TRPM6: variants seen among roughly 807,000 people sequenced by gnomAD.
TRPM6 encodes channel kinase 2.
Under a neutral mutation model 247.6 loss-of-function variants are expected in TRPM6, and 111 were observed. That is an observed-to-expected ratio of 0.45 (90% confidence interval 0.38 to 0.52). TRPM6 has a LOEUF of 0.52. Among genes scored for constraint, TRPM6 ranks in the 20% least tolerant of loss-of-function variants. The pLI, the probability that TRPM6 is intolerant of heterozygous loss-of-function variation, is 0.00. For missense variants in TRPM6, 2,126 were observed against 2,421.5 expected, an observed-to-expected ratio of 0.88 and a Z score of 2.56; for synonymous variants, 892 against 853.8, an observed-to-expected ratio of 1.04 and a Z score of -0.78.
intron 13 of TRPM6, among the ~76,000 whole-genome samples, chr9:74,808,871 T>A (rs1227472481): frequency 6.6e-6 from 1 of 152,228 alleles, no homozygotes; most frequent in Admixed American, 6.5e-5. Flanking sequence ...CTTAATCCAG[T>A]ATAGACAGTA....
chr9:74,844,772 T>C (rs1830055363), intron 3 of TRPM6, among the ~76,000 whole-genome samples: 1 of 152,216 alleles, frequency 6.6e-6, no homozygotes, highest in Non-Finnish European at 1.5e-5. Context: ...CTTGGCTAAC[T>C]GTTTGGCACA....
chr9:74,837,872 C>T (rs1031887390), intron 5 of TRPM6, among the ~76,000 whole-genome samples: 27 of 152,088 alleles, frequency 1.8e-4, no homozygotes, highest in Middle Eastern at 3.4e-3. Flanking sequence ...ACCTCAGCCT[C>T]CCCAGTAGCT....
chr9:74,804,493 T>C, intron 14 of TRPM6: 1 of 689,070 alleles, frequency 1.5e-6, no homozygotes, highest in South Asian at 1.5e-5. Context: ...GATCTCTATT[T>C]CTACAGAGAT....
At chr9:74,758,268 A>G (rs1826502640) in intron 27 of TRPM6, among the ~76,000 whole-genome samples, 1 of 152,154 alleles carries the variant, frequency 6.6e-6, no homozygotes. Context: ...ATACTTCCCA[A>G]CTCACTAAAT....
chr9:74,746,572 A>C (rs1330627101), intron 31 of TRPM6, among the ~76,000 whole-genome samples: 2 of 152,242 alleles, frequency 1.3e-5, no homozygotes. Context: ...TTTCAAGAGC[A>C]TTGAGGAAAA....
At chr9:74,825,903 C>T (rs143730892) in intron 7 of TRPM6, among the ~76,000 whole-genome samples, 299 of 152,248 alleles carry the variant, frequency 2.0e-3, no homozygotes, top group African/African-American at 6.4e-3. Flanking sequence ...TCCCTCTGCT[C>T]TGCTGGTCTC....
At chr9:74,834,705 G>A (rs1040318306) in intron 5 of TRPM6, among the ~76,000 whole-genome samples, 2 of 150,396 alleles carry the variant, frequency 1.3e-5, no homozygotes, top group African/African-American at 2.5e-5. Flanking sequence ...GAGAACATGC[G>A]GTGTCTGGTT....
chr9:74,887,819 C>G lies in TRPM6; in HGVS notation c.33+5G>C. Reference sequence around the variant, plus strand: ...TTCCCCGCCAGTCGAGCAGCCTGAGCTTACCTGCAAGCGCTCCAAGACAGG... The same window carrying G: ...TTCCCCGCCAGTCGAGCAGCCTGAGGTTACCTGCAAGCGCTCCAAGACAGG... On this transcript the variant is annotated splice_donor_5th_base_variant and intron_variant, in intron 1 of 38. Coordinates refer to ENST00000360774, the MANE Select transcript of TRPM6 (RefSeq NM_017662.5). 6.2e-7 allele frequency: 1 copy of G among 1,614,172 alleles called. No individual in the cohort carries two copies. Among genetic ancestry groups the G allele is most frequent in the Non-Finnish European group, 8.5e-7 (1 of 1,180,038 alleles).
Position 74,723,477 on chromosome 9 carries a change from C to A in TRPM6, c.*1136G>T. The A allele has an allele frequency of 6.7e-6, 1 of 149,754 alleles. No individual in the cohort carries two copies. 9.3% of individuals were successfully genotyped at this position (149,754 alleles called of 1,614,324 possible). Reference sequence around the variant, plus strand: ...AGGGAAACCCTTTCTTAATGATTTCCAGTTCTTCATATTCTTGTTCTCGTT... The same window carrying A: ...AGGGAAACCCTTTCTTAATGATTTCAAGTTCTTCATATTCTTGTTCTCGTT... On this transcript the variant is annotated 3_prime_UTR_variant, in exon 39 of 39. Coordinates refer to ENST00000360774, the MANE Select transcript of TRPM6 (RefSeq NM_017662.5).
rs947003221 is a variant in TRPM6, at chr9:74,838,708, G to A, written c.544+1316C>T. ...TGAGATATTCAAGAAGCTGTTTGACGAGTGCGTTGGCATCTCGTGTAGATC... is the reference window on the plus strand; with the variant it reads ...TGAGATATTCAAGAAGCTGTTTGACAAGTGCGTTGGCATCTCGTGTAGATC... On this transcript the variant is annotated intron_variant, in intron 5 of 38. Coordinates refer to ENST00000360774, the MANE Select transcript of TRPM6 (RefSeq NM_017662.5). Among the ~76,000 whole-genome samples, 8 of 152,168 alleles carry A rather than the reference G, an allele frequency of 5.3e-5. No individual in the cohort carries two copies. In the South Asian group the frequency reaches 6.2e-4, roughly 12 times the overall value.
At chr9:74,828,059 AAGTACT>A (rs1587550684) in intron 6 of TRPM6, 110 bp from the exon 7 acceptor site, 1 of 1,213,608 alleles carries the variant, frequency 8.2e-7, no homozygotes, top group Non-Finnish European at 1.2e-6. Context: ...CTAGTTTAAA[AAGTACT>A]ACTTGCGGCC....
At position 74,795,568 on chromosome 9, in the gene TRPM6, T is replaced by G. The variant is rs574457649; in HGVS notation, c.2391+1173A>C. Among the ~76,000 whole-genome samples, 12 of 152,302 alleles carry G rather than the reference T, an allele frequency of 7.9e-5. No individual in the cohort carries two copies. The South Asian group carries it at 2.3e-3, about 29-fold the overall frequency. On this transcript the variant is annotated intron_variant, in intron 18 of 38. Coordinates refer to ENST00000360774, the MANE Select transcript of TRPM6 (RefSeq NM_017662.5). ...GTCTCCTTCTCACTGATATGCTCTT[T>G]TCCCTCACCACATCGTCAAGTCAGG...
At chr9:74,739,552 A>T (rs1192676218) in intron 34 of TRPM6, 103 bp from the exon 35 acceptor site, 13 of 1,485,008 alleles carry the variant, frequency 8.8e-6, no homozygotes, top group Non-Finnish European at 1.2e-5. Flanking sequence ...GCCTTATTCA[A>T]CTCCCACCAC....
At position 74,755,440 on chromosome 9, in the gene TRPM6, G is replaced by A. The variant is rs1415362860; in HGVS notation, c.4819C>T (p.Gln1607Ter). 1 of 1,614,056 alleles carries A rather than the reference G, an allele frequency of 6.2e-7. No homozygotes were observed. The highest frequency in any genetic ancestry group is 2.2e-5 in the East Asian group (1 of 44,874). Residue 1607 changes from glutamine to a stop codon, truncating the protein, a stop_gained, in exon 28 of 39, where the codon CAG becomes TAG. Transcript: ENST00000360774. LOFTEE classifies it high-confidence loss of function. The stretch of plus-strand genomic sequence containing the variant: ...TTTTCTCCTGGCTCTGGATTCAACT[G>A]GTCACTCTGAGAGCAGGCATTGACT... ...ITVNACSQSD[Q>*]LNPEPGENSI... is the part of the protein sequence containing the mutation.
chr9:74,784,706 T>C (rs1435209352), intron 21 of TRPM6, among the ~76,000 whole-genome samples: 1 of 152,202 alleles, frequency 6.6e-6, no homozygotes, highest in East Asian at 1.9e-4. Context: ...GTAAGCTGAG[T>C]GTCCCAACAA....
At chr9:74,741,489 A>G (rs574007625) in intron 33 of TRPM6, among the ~76,000 whole-genome samples, 26 of 152,226 alleles carry the variant, frequency 1.7e-4, no homozygotes, top group African/African-American at 6.0e-4. Flanking sequence ...GCCCAGATAA[A>G]TGCCACTGAA....
chr9:74,820,215 T>G, intron 9 of TRPM6, 89 bp downstream of exon 9: 2 of 1,427,166 alleles, frequency 1.4e-6, no homozygotes, highest in Non-Finnish European at 2.0e-6. Context: ...GTGTCCACCA[T>G]GTTTTTTTTT....
intron 36 of TRPM6, among the ~76,000 whole-genome samples, chr9:74,733,949 G>T (rs1296354784): frequency 6.6e-6 from 1 of 152,144 alleles, no homozygotes; most frequent in African/African-American, 2.4e-5. Flanking sequence ...GTATTCAGTT[G>T]TGAAAATTCT....
chr9:74,842,392 T>A, intron 3 of TRPM6, 49 bp from the exon 4 acceptor site: 1 of 1,584,804 alleles, frequency 6.3e-7, no homozygotes, highest in Non-Finnish European at 8.7e-7. Flanking sequence ...AGAAAATAGA[T>A]GCAATATGTC....
Sources: allele counts gnomAD v4.1 joint callset (sites outside exome capture counted in the v4.1 genomes callset), GRCh38; gene constraint gnomAD v4.1.1; transcripts MANE v1.5; gene names NCBI Gene and HGNC (gene_info 2026-07-23, HGNC 2026-07-21).